LRRC8B: variants seen among roughly 807,000 people sequenced by gnomAD.
LRRC8B encodes the protein leucine rich repeat containing 8 VRAC subunit B.
A neutral mutation model predicts 58.8 loss-of-function variants in LRRC8B; 23 were observed. That is an observed-to-expected ratio of 0.39 (90% CI 0.28 to 0.55). LRRC8B has a LOEUF of 0.55. LRRC8B is among the 20% of genes least tolerant of loss of function. The pLI is 0.62. For synonymous variants in LRRC8B, 359 were observed against 374.1 expected, an observed-to-expected ratio of 0.96 and a Z score of 0.47; for missense variants, 694 against 936.0, an observed-to-expected ratio of 0.74 and a Z score of 3.37.
chr1:89,530,911 A>G (rs912681580), intron 1 of LRRC8B, among the ~76,000 whole-genome samples: 2 of 152,074 alleles, frequency 1.3e-5, no homozygotes, highest in African/African-American at 4.8e-5. Flanking sequence ...TGGGGAAACA[A>G]TGCCTCTCTA....
At position 89,584,373 on chromosome 1, in the gene LRRC8B, C is replaced by T; in HGVS notation, c.1723C>T (p.Leu575=). Residue 575 remains leucine, a synonymous_variant, in exon 5 of 6, where the codon CTG becomes TTG. Transcript: ENST00000330947. ...KLSLDNEGSK[L]VVLNNLKKMV... ...GTCCCTTGATAATGAGGGAAGCAAA[C>T]TGGTTGTGTTGAACAACTTGAAAAA... The T allele has an allele frequency of 6.2e-7, 1 of 1,614,114 alleles. No individual in the cohort carries two copies. Among genetic ancestry groups the T allele is most frequent in the South Asian group, 1.1e-5 (1 of 91,076 alleles).
intron 1 of LRRC8B, among the ~76,000 whole-genome samples, chr1:89,546,068 A>AT (rs932554718): frequency 2.0e-5 from 3 of 151,996 alleles, no homozygotes; most frequent in Non-Finnish European, 2.9e-5. Flanking sequence ...CATAGTAAGA[A>AT]TTTTTTTTAA....
chr1:89,536,581 CT>C (rs1650556021), intron 1 of LRRC8B, among the ~76,000 whole-genome samples: 1 of 152,166 alleles, frequency 6.6e-6, no homozygotes, highest in African/African-American at 2.4e-5. Flanking sequence ...AGAAAAAACC[CT>C]TTTTGCATGA....
intron 1 of LRRC8B, among the ~76,000 whole-genome samples, chr1:89,551,486 C>T (rs1651811037): frequency 6.6e-6 from 1 of 151,928 alleles, no homozygotes; most frequent in South Asian, 2.1e-4. Flanking sequence ...CATTTTTTTC[C>T]TGTTCACTTT....
chr1:89,534,470 ACT>A (rs1166613115), intron 1 of LRRC8B, among the ~76,000 whole-genome samples: 2 of 152,116 alleles, frequency 1.3e-5, no homozygotes, highest in East Asian at 3.9e-4. Flanking sequence ...CCAGTGTAAC[ACT>A]GTTATGATTG....
intron 1 of LRRC8B, among the ~76,000 whole-genome samples, chr1:89,530,283 C>A (rs552128870): frequency 1.3e-5 from 2 of 151,736 alleles, no homozygotes; most frequent in Middle Eastern, 3.5e-3. Flanking sequence ...GGCGTGAACC[C>A]GGGAGGCGGA....
At chr1:89,540,640 T>C (rs996865591) in intron 1 of LRRC8B, among the ~76,000 whole-genome samples, 2 of 152,156 alleles carry the variant, frequency 1.3e-5, no homozygotes, top group Non-Finnish European at 2.9e-5. Flanking sequence ...CATTTATATC[T>C]CTATACAAAG....
intron 1 of LRRC8B, among the ~76,000 whole-genome samples, chr1:89,551,408 A>G (rs115051413): frequency 2.6e-5 from 4 of 152,114 alleles, no homozygotes; most frequent in Non-Finnish European, 1.5e-5. Context: ...ACTATGAAAA[A>G]AATGCTCCAT....
At position 89,580,645 on chromosome 1, in the gene LRRC8B, A is replaced by C. The variant is rs1230908093; in HGVS notation, c.-27+957A>C. The stretch of plus-strand genomic sequence containing the variant: ...ATTATGTAAGGCAGAGAGGTGAGGC[A>C]GAATGAGAAGAGTTGAGAGTTAGAA... On this transcript the variant is annotated intron_variant, in intron 4 of 5. Coordinates refer to ENST00000330947, the MANE Select transcript of LRRC8B (RefSeq NM_001369817.2). 2.6e-5 allele frequency among the ~76,000 whole-genome samples: 4 copies of C among 152,312 alleles called. No individual in the cohort carries two copies. In the East Asian group the frequency reaches 7.7e-4, roughly 29 times the overall value.
intron 4 of LRRC8B, among the ~76,000 whole-genome samples, chr1:89,580,995 T>TA (rs1654176641): frequency 6.6e-6 from 1 of 151,022 alleles, no homozygotes; most frequent in African/African-American, 2.4e-5. Context: ...CAAATGAGAG[T>TA]AAAAAAGTCT....
At chr1:89,586,272 T>G (rs1428554429) in intron 5 of LRRC8B, among the ~76,000 whole-genome samples, 1 of 152,218 alleles carries the variant, frequency 6.6e-6, no homozygotes, top group African/African-American at 2.4e-5. Context: ...GATGCTGGCC[T>G]AGTGACTGCA....
intron 1 of LRRC8B, among the ~76,000 whole-genome samples, chr1:89,533,961 C>G (rs1434584757): frequency 3.3e-5 from 5 of 152,128 alleles, no homozygotes; most frequent in African/African-American, 7.2e-5. Flanking sequence ...TGTCTATGAG[C>G]TAGTGTTTAT....
intron 5 of LRRC8B, among the ~76,000 whole-genome samples, chr1:89,587,147 G>T (rs1654680842): frequency 6.6e-6 from 1 of 152,172 alleles, no homozygotes; most frequent in Admixed American, 6.5e-5. Flanking sequence ...GGAGGGAAAA[G>T]TCATTTTCTT....
rs192731509 is a variant in LRRC8B at position 89,527,139 on chromosome 1, G to T, written c.-241+2117G>T. 5.4e-4 allele frequency among the ~76,000 whole-genome samples: 83 copies of T among 152,294 alleles called. 1 individual carries two copies. In the South Asian group the frequency reaches 6.6e-3, roughly 12 times the overall value. On this transcript the variant is annotated intron_variant, in intron 1 of 5. Transcript: ENST00000330947. ...AAGGGGAAAAATATTTTACAATTTA[G>T]AACATCCTTGTTTTAGCCAATGTTT...
At chr1:89,558,659 A>G (rs1652370916) in intron 1 of LRRC8B, 1 of 152,218 alleles carries the variant, frequency 6.6e-6, no homozygotes. Context: ...CTGCTGTAAC[A>G]AAACACCTAA....
Position 89,592,803 on chromosome 1 carries a change from C to T in LRRC8B, c.2172C>T (p.Cys724=). The T allele has an allele frequency of 6.2e-7, 1 of 1,613,736 alleles. No individual in the cohort carries two copies. Among genetic ancestry groups the T allele is most frequent in the Non-Finnish European group, 8.5e-7 (1 of 1,179,966 alleles). Residue 724 remains cysteine (C), a synonymous_variant, in exon 6 of 6, where the codon TGC becomes TGT. Transcript: ENST00000330947. ...IEMLPDGLFQ[C]KKLQCLLLGK... ...TGCTACCAGATGGGCTGTTTCAGTG[C>T]AAAAAGCTGCAGTGTTTACTTTTGG...
chr1:89,527,638 C>G (rs1331313043), intron 1 of LRRC8B, among the ~76,000 whole-genome samples: 1 of 152,244 alleles, frequency 6.6e-6, no homozygotes, highest in Non-Finnish European at 1.5e-5. Context: ...TGCCTACTTT[C>G]ATTTTATTCC....
chr1:89,535,330 C>T (rs1383089380), intron 1 of LRRC8B, among the ~76,000 whole-genome samples: 3 of 152,110 alleles, frequency 2.0e-5, no homozygotes, highest in Non-Finnish European at 4.4e-5. Context: ...TAAAGATTCC[C>T]CCTTGGTGTA....
chr1:89,561,825 T>G (rs934065531), intron 1 of LRRC8B, among the ~76,000 whole-genome samples: 3 of 150,922 alleles, frequency 2.0e-5, no homozygotes, highest in Non-Finnish European at 4.4e-5. Context: ...GTAGTGTGAT[T>G]CCTCCAGCTT....
Sources: gnomAD v4.1 joint callset for allele counts (sites outside exome capture counted in the v4.1 genomes callset) on GRCh38, gnomAD v4.1.1 for gene constraint, MANE v1.5 for transcripts, NCBI Gene and HGNC (gene_info 2026-07-23, HGNC 2026-07-21) for gene names.